COG5: variants seen among roughly 807,000 people sequenced by gnomAD.
COG5 encodes conserved oligomeric Golgi complex subunit 5.
COG5 carries 86 observed loss-of-function variants against 110.4 expected under a neutral mutation model. That is an observed-to-expected ratio of 0.78 (90% CI 0.65 to 0.93). The LOEUF is 0.93. COG5 is among the 40% of genes least tolerant of loss of function. COG5 has a pLI of 0.00. For synonymous variants in COG5, 360 were observed against 334.6 expected, an observed-to-expected ratio of 1.08 and a Z score of -0.83; for missense variants, 1,077 against 987.0, an observed-to-expected ratio of 1.09 and a Z score of -1.22.
chr7:107,353,249 C>A (rs188182413), intron 10 of COG5, among the ~76,000 whole-genome samples: 240 of 151,832 alleles, frequency 1.6e-3, no homozygotes, highest in African/African-American at 5.5e-3. Context: ...CACGGTGAAA[C>A]CCCATCTCTA....
rs1457743055 is a variant in COG5, at chr7:107,395,156, TA to T, written c.669+17345del. 3.3e-5 allele frequency among the ~76,000 whole-genome samples: 5 copies of T among 152,238 alleles called. No homozygotes were observed. The East Asian group carries it at 9.7e-4, about 29-fold the overall frequency. ...TTTATTAGCATGGATGTTTCAAAAC[TA>T]AAATATTTCTTCAAAGTTTAATAAG... On this transcript the variant is annotated intron_variant, in intron 7 of 21. Transcript: ENST00000297135.
At chr7:107,317,103 A>G (rs939194683) in intron 11 of COG5, among the ~76,000 whole-genome samples, 2 of 152,144 alleles carry the variant, frequency 1.3e-5, no homozygotes, top group Non-Finnish European at 2.9e-5. Flanking sequence ...CAAAAAATAC[A>G]CAATATATGA....
At chr7:107,256,251 G>A (rs1802873042) in intron 16 of COG5, among the ~76,000 whole-genome samples, 1 of 152,054 alleles carries the variant, frequency 6.6e-6, no homozygotes, top group Non-Finnish European at 1.5e-5. Flanking sequence ...TTTTGGACTG[G>A]GAAATTCTGT....
At chr7:107,310,003 G>A (rs1231401270) in intron 11 of COG5, among the ~76,000 whole-genome samples, 2 of 151,864 alleles carry the variant, frequency 1.3e-5, no homozygotes, top group Non-Finnish European at 2.9e-5. Context: ...CTCTTTCTTA[G>A]GTAAACAAAA....
At chr7:107,442,817 CAGAA>C (rs1176800571) in intron 6 of COG5, among the ~76,000 whole-genome samples, 1 of 151,914 alleles carries the variant, frequency 6.6e-6, no homozygotes, top group South Asian at 2.1e-4. Context: ...AAAGAAACAC[CAGAA>C]AGAAAGAACA....
At chr7:107,541,277 G>A (rs1455869019) in intron 5 of COG5, among the ~76,000 whole-genome samples, 4 of 150,844 alleles carry the variant, frequency 2.7e-5, no homozygotes, top group Admixed American at 2.6e-4. Context: ...CAGGTGGAAT[G>A]CTTGACCTCA....
intron 7 of COG5, among the ~76,000 whole-genome samples, chr7:107,396,075 T>C (rs1413823776): frequency 6.6e-6 from 1 of 152,182 alleles, no homozygotes; most frequent in African/African-American, 2.4e-5. Context: ...TTAAGGCAGC[T>C]TATAATATCT....
At position 107,412,611 on chromosome 7, in the gene COG5, T is replaced by A. The variant is rs760807804; in HGVS notation, c.560A>T (p.Asp187Val). The A allele has an allele frequency of 1.3e-6, 2 of 1,555,882 alleles. No individual in the cohort carries two copies. The highest frequency in any genetic ancestry group is 1.8e-6 in the Non-Finnish European group (2 of 1,128,638). Residue 187 changes from aspartate to valine, a missense_variant, in exon 7 of 22, where the codon GAT becomes GTT. Physicochemically the swap from Asp to Val is radical, Grantham distance 152 (BLOSUM62 -3). Coordinates refer to ENST00000297135, the MANE Select transcript of COG5 (RefSeq NM_006348.5). ...NELDYLSQGIDLSGIEVIEND... is the reference protein window; with the variant it reads ...NELDYLSQGIVLSGIEVIEND... The stretch of plus-strand genomic sequence containing the variant: ...TTCTATCACTTCTATTCCAGAAAGA[T>A]CTATTCCTTGAGAAAGATAATCTGT...
At chr7:107,414,948 G>C (rs1303451154) in intron 6 of COG5, among the ~76,000 whole-genome samples, 1 of 151,616 alleles carries the variant, frequency 6.6e-6, no homozygotes, top group Non-Finnish European at 1.5e-5. Context: ...GGATGGTCTT[G>C]ATCTCCTGAC....
intron 6 of COG5, among the ~76,000 whole-genome samples, chr7:107,449,732 T>C (rs1294044099): frequency 6.6e-6 from 1 of 152,180 alleles, no homozygotes; most frequent in African/African-American, 2.4e-5. Flanking sequence ...GCAGCTATGG[T>C]TGCCCACCAT....
chr7:107,459,036 G>GA (rs1420297891), intron 6 of COG5, among the ~76,000 whole-genome samples: 7 of 151,706 alleles, frequency 4.6e-5, no homozygotes, highest in Non-Finnish European at 1.0e-4. Flanking sequence ...GTAGGAAACA[G>GA]AAAAAATGAA....
At chr7:107,251,401 G>A (rs528286662) in intron 16 of COG5, among the ~76,000 whole-genome samples, 11 of 152,098 alleles carry the variant, frequency 7.2e-5, no homozygotes, top group African/African-American at 2.4e-4. Context: ...GATTTTAAAT[G>A]ATGATTTAAA....
intron 5 of COG5, among the ~76,000 whole-genome samples, chr7:107,536,188 C>T (rs916253137): frequency 9.9e-5 from 15 of 152,112 alleles, no homozygotes; most frequent in Non-Finnish European, 4.4e-5. Flanking sequence ...AAACCCATAG[C>T]ATTCCCTTTG....
chr7:107,257,950 C>T (rs1803007549), intron 15 of COG5, among the ~76,000 whole-genome samples: 1 of 152,068 alleles, frequency 6.6e-6, no homozygotes, highest in African/African-American at 2.4e-5. Flanking sequence ...AATTTACTAC[C>T]ATCCACAGTG....
intron 2 of COG5, among the ~76,000 whole-genome samples, chr7:107,556,558 C>A (rs1314098367): frequency 6.6e-6 from 1 of 152,168 alleles, no homozygotes; most frequent in African/African-American, 2.4e-5. Context: ...CAAAAAGCCA[C>A]CCCCTGAGAA....
At chr7:107,268,278 T>C (rs1289917673) in intron 14 of COG5, among the ~76,000 whole-genome samples, 1 of 152,172 alleles carries the variant, frequency 6.6e-6, no homozygotes, top group African/African-American at 2.4e-5. Flanking sequence ...TAAGAAATTC[T>C]TTATATATAG....
intron 7 of COG5, among the ~76,000 whole-genome samples, chr7:107,397,448 C>T (rs758718266): frequency 2.6e-5 from 4 of 151,970 alleles, no homozygotes; most frequent in Non-Finnish European, 5.9e-5. Context: ...ATTAATCTAG[C>T]TTGCTGTTAA....
At chr7:107,458,341 T>G (rs1237630239) in intron 6 of COG5, among the ~76,000 whole-genome samples, 4 of 152,058 alleles carry the variant, frequency 2.6e-5, no homozygotes, top group Non-Finnish European at 5.9e-5. Context: ...ATAAACTTCT[T>G]AAAAAACTGA....
chr7:107,457,217 T>C (rs1189036368), intron 6 of COG5, among the ~76,000 whole-genome samples: 2 of 86,816 alleles, frequency 2.3e-5, no homozygotes, highest in African/African-American at 2.7e-4. Flanking sequence ...AAATAAAACT[T>C]TCCAGGCTGA....
Sources: allele counts gnomAD v4.1 joint callset (sites outside exome capture counted in the v4.1 genomes callset), GRCh38; gene constraint gnomAD v4.1.1; transcripts MANE v1.5; gene names NCBI Gene and HGNC (gene_info 2026-07-23, HGNC 2026-07-21).